Variants in EYS observed in about 807,000 individuals in gnomAD.
The protein encoded by EYS is EGF-like photoreceptor maintenance factor, also known as protein eyes shut homolog.
In EYS, 250 loss-of-function variants were observed where a neutral mutation model predicts 282.1. The observed-to-expected ratio is 0.89, with a 90% CI of 0.80 to 0.98. EYS has a LOEUF of 0.98. Ranked by LOEUF, EYS falls within the 50% of genes least tolerant of loss-of-function variation. EYS has a pLI of 0.00. For missense variants in EYS, 4,016 were observed against 3,709.0 expected (o/e 1.08, Z -2.15); for synonymous variants, 1,355 against 1,282.9 (o/e 1.06, Z -1.20).
At chr6:64,208,468 C>T (rs1335446127) in intron 31 of EYS, among the ~76,000 whole-genome samples, 1 of 152,102 alleles carries the variant, frequency 6.6e-6, no homozygotes, top group Non-Finnish European at 1.5e-5. Context: ...AAATATCAGA[C>T]TTTTCTGGCT....
chr6:64,661,662 G>A (rs1370815842), intron 22 of EYS, among the ~76,000 whole-genome samples: 1 of 147,084 alleles, frequency 6.8e-6, no homozygotes, highest in Non-Finnish European at 1.5e-5. Context: ...ACAGAGAAAT[G>A]CAAATCAAAA....
At chr6:63,812,883 G>A (rs1473065736) in intron 36 of EYS, among the ~76,000 whole-genome samples, 1 of 152,136 alleles carries the variant, frequency 6.6e-6, no homozygotes, top group Admixed American at 6.5e-5. Flanking sequence ...CAATAATATG[G>A]AATCTTAATT....
intron 22 of EYS, among the ~76,000 whole-genome samples, chr6:64,802,017 C>CTTTTTTTTTT (rs1157712956): frequency 4.7e-4 from 27 of 57,648 alleles, no homozygotes; most frequent in Non-Finnish European, 9.4e-4. Context: ...TAACAAATTT[C>CTTTTTTTTTT]TTTTTCTTTT....
intron 24 of EYS, among the ~76,000 whole-genome samples, chr6:64,599,198 C>A (rs879693069): frequency 3.2e-4 from 48 of 152,080 alleles, no homozygotes; most frequent in Non-Finnish European, 5.3e-4. Context: ...TTATTGATAT[C>A]ATAAAAAGCT....
At chr6:64,372,842 G>A (rs191823051) in intron 29 of EYS, among the ~76,000 whole-genome samples, 1 of 152,178 alleles carries the variant, frequency 6.6e-6, no homozygotes. Context: ...TGCTGTTAAA[G>A]TTTGGTCAAT....
At chr6:64,401,061 C>A (rs1480648070) in intron 28 of EYS, among the ~76,000 whole-genome samples, 1 of 152,020 alleles carries the variant, frequency 6.6e-6, no homozygotes, top group African/African-American at 2.4e-5. Context: ...TGATATTATT[C>A]ACATAGCTAC....
intron 29 of EYS, among the ~76,000 whole-genome samples, chr6:64,385,210 T>C (rs585650): frequency 0.63 from 96,027 of 151,932 alleles, 31,067 homozygotes; most frequent in South Asian, 0.71. Flanking sequence ...TTTTTCTGAT[T>C]CATCATACGA....
At chr6:63,936,316 G>C (rs905730803) in intron 35 of EYS, among the ~76,000 whole-genome samples, 2 of 152,210 alleles carry the variant, frequency 1.3e-5, no homozygotes, top group African/African-American at 4.8e-5. Context: ...ACTTGTCTCA[G>C]AATTCCATAT....
intron 12 of EYS, among the ~76,000 whole-genome samples, chr6:65,214,807 C>G (rs780744288): frequency 5.9e-5 from 9 of 152,078 alleles, no homozygotes; most frequent in African/African-American, 2.2e-4. Context: ...CAATTTGAAG[C>G]CAATTCAGAA....
intron 41 of EYS, among the ~76,000 whole-genome samples, chr6:63,730,128 T>C (rs770566675): frequency 7.9e-5 from 12 of 152,186 alleles, no homozygotes; most frequent in Non-Finnish European, 1.6e-4. Context: ...TTGTGCTGTT[T>C]CCAAAATTTC....
At chr6:64,500,486 A>G (rs1204691325) in intron 26 of EYS, among the ~76,000 whole-genome samples, 1 of 152,146 alleles carries the variant, frequency 6.6e-6, no homozygotes, top group African/African-American at 2.4e-5. Context: ...TCATTTTAAA[A>G]GGCTAAATCA....
intron 13 of EYS, among the ~76,000 whole-genome samples, chr6:65,032,713 CT>C (rs1427233766): frequency 6.6e-6 from 1 of 151,580 alleles, no homozygotes; most frequent in Non-Finnish European, 1.5e-5. Context: ...GTCTTGGGTT[CT>C]TTTTATAGCA....
At chr6:65,395,821 G>A (rs2150359785) in intron 7 of EYS, among the ~76,000 whole-genome samples, 1 of 151,956 alleles carries the variant, frequency 6.6e-6, no homozygotes, top group Middle Eastern at 3.4e-3. Context: ...TAACTCTACT[G>A]AAATATACAA....
At chr6:65,241,702 T>C (rs542772984) in intron 12 of EYS, among the ~76,000 whole-genome samples, 1 of 152,220 alleles carries the variant, frequency 6.6e-6, no homozygotes, top group East Asian at 1.9e-4. Context: ...ACCATATTTA[T>C]GGTTTCACAC....
chr6:65,017,640 T>G (rs1243171251), intron 13 of EYS, among the ~76,000 whole-genome samples: 1 of 152,144 alleles, frequency 6.6e-6, no homozygotes, highest in African/African-American at 2.4e-5. Flanking sequence ...ATCACCAAAA[T>G]CAGACAAGGT....
intron 22 of EYS, among the ~76,000 whole-genome samples, chr6:64,648,648 A>G (rs879778432): frequency 5.3e-5 from 8 of 152,142 alleles, no homozygotes; most frequent in Non-Finnish European, 1.2e-4. Context: ...TTGAGGCAAA[A>G]TTACAAGGTA....
intron 2 of EYS, among the ~76,000 whole-genome samples, chr6:65,618,204 T>C (rs1766294742): frequency 6.6e-6 from 1 of 152,230 alleles, no homozygotes; most frequent in Non-Finnish European, 1.5e-5. Flanking sequence ...CCATATCCTC[T>C]CCAGCACCTG....
At chr6:65,583,471 T>C (rs1039569760) in intron 2 of EYS, among the ~76,000 whole-genome samples, 4 of 152,066 alleles carry the variant, frequency 2.6e-5, no homozygotes, top group Admixed American at 6.6e-5. Context: ...AAATGGCAAG[T>C]CCGAGCCGGT....
At chr6:64,208,133 A>T (rs1362926762) in intron 31 of EYS, among the ~76,000 whole-genome samples, 2 of 152,174 alleles carry the variant, frequency 1.3e-5, no homozygotes, top group Non-Finnish European at 2.9e-5. Flanking sequence ...GATGTGAAGG[A>T]TGGCGATTTC....
Sources: gnomAD v4.1 joint callset for allele counts (sites outside exome capture counted in the v4.1 genomes callset) on GRCh38, gnomAD v4.1.1 for gene constraint, MANE v1.5 for transcripts, NCBI Gene and HGNC (gene_info 2026-07-23, HGNC 2026-07-21) for gene names.